Variants in MAP3K15 observed in about 807,000 individuals in gnomAD.
The protein encoded by MAP3K15 is MAPK/ERK kinase kinase 15.
A neutral mutation model predicts 99.5 loss-of-function variants in MAP3K15; 124 were observed. That is an observed-to-expected ratio of 1.25 (90% confidence interval 1.08 to 1.45). The LOEUF (loss-of-function observed/expected upper bound fraction) is 1.45. Ranked by LOEUF, MAP3K15 falls within the 40% of genes most tolerant of loss-of-function variation. The pLI is 0.00. For missense variants in MAP3K15, 1,242 were observed against 1,079.7 expected, an observed-to-expected ratio of 1.15 and a Z score of -2.11; for synonymous variants, 494 against 439.6, an observed-to-expected ratio of 1.12 and a Z score of -1.55.
intron 6 of MAP3K15, among the ~76,000 whole-genome samples, chrX:19,446,699 G>A (rs1389091551): frequency 9.1e-6 from 1 of 110,396 alleles, no homozygotes; most frequent in African/African-American, 3.3e-5. Context: ...ACTGTTCACT[G>A]TAGTCAGAGC....
chrX:19,408,940 A>ACCTTT (rs1463490702), intron 12 of MAP3K15, among the ~76,000 whole-genome samples: 2 of 111,873 alleles, frequency 1.8e-5, no homozygotes, highest in Non-Finnish European at 3.8e-5. Context: ...CAAATACCTT[A>ACCTTT]CCTTTCCTTT....
At position 19,464,380 on chromosome X, in the gene MAP3K15, G is replaced by T. The variant is rs5955788; in HGVS notation, c.552C>A (p.Ile184=). ...CAGCGCACGGTGTCACGATGTATGG[G>T]ATGAAATAATAATTTCCACTGGATG... ...NTASSGNYYF[I]PYIVTPCADY... Residue 184 remains isoleucine, a synonymous_variant, in exon 4 of 29, where the codon ATC becomes ATA. Transcript: ENST00000338883. The T allele has an allele frequency of 8.4e-7, 1 of 1,188,189 alleles. No individual in the cohort carries two copies.
At chrX:19,469,055 G>A (rs1004279678) in intron 3 of MAP3K15, among the ~76,000 whole-genome samples, 3 of 111,301 alleles carry the variant, frequency 2.7e-5, no homozygotes, top group Non-Finnish European at 5.6e-5. Flanking sequence ...CATGTCATCT[G>A]CAAACAGGGA....
chrX:19,458,371 G>A, intron 5 of MAP3K15, among the ~76,000 whole-genome samples: 1 of 112,413 alleles, frequency 8.9e-6, no homozygotes, highest in East Asian at 2.8e-4. Flanking sequence ...ATCCCTAGTA[G>A]CAACTGCTAT....
intron 26 of MAP3K15, 117 bp downstream of exon 26, chrX:19,362,621 A>T (rs2063300557): frequency 2.1e-6 from 1 of 473,380 alleles, no homozygotes; most frequent in African/African-American, 2.4e-5. Context: ...ATGATTGAGA[A>T]GTAGTCTAGA....
At chrX:19,473,529 G>A (rs953572931) in intron 3 of MAP3K15, among the ~76,000 whole-genome samples, 3 of 112,385 alleles carry the variant, frequency 2.7e-5, no homozygotes, top group Admixed American at 9.5e-5. Context: ...AACAAACGCA[G>A]TTTAGTTTCC....
chrX:19,392,955 A>G (rs5955766), intron 16 of MAP3K15, among the ~76,000 whole-genome samples: 8,863 of 110,058 alleles, frequency 0.081, 606 homozygotes, highest in African/African-American at 0.21. Flanking sequence ...TAGGGTGACA[A>G]GGACTAGGAC....
intron 9 of MAP3K15, among the ~76,000 whole-genome samples, chrX:19,416,344 C>CAAA (rs771422369): frequency 1.3e-3 from 131 of 100,641 alleles, no homozygotes; most frequent in African/African-American, 4.6e-3. Context: ...AACAAACAAC[C>CAAA]AAAAAAAAAA....
At chrX:19,462,894 T>C (rs1247871048) in intron 4 of MAP3K15, among the ~76,000 whole-genome samples, 1 of 112,325 alleles carries the variant, frequency 8.9e-6, no homozygotes. Flanking sequence ...AATCCACCAA[T>C]AGGTATTTCA....
chrX:19,493,556 A>G (rs1025784176), intron 1 of MAP3K15, among the ~76,000 whole-genome samples: 5 of 111,531 alleles, frequency 4.5e-5, no homozygotes, highest in African/African-American at 1.6e-4. Context: ...TGTTAATTGT[A>G]ATAAAACACC....
chrX:19,397,690 CA>C (rs2063576352), intron 15 of MAP3K15, among the ~76,000 whole-genome samples: 1 of 112,098 alleles, frequency 8.9e-6, no homozygotes, highest in Non-Finnish European at 1.9e-5. Flanking sequence ...GGAAACACAA[CA>C]AAAGTTTTCT....
At chrX:19,414,866 C>G (rs756758295) in intron 10 of MAP3K15, among the ~76,000 whole-genome samples, 6 of 111,695 alleles carry the variant, frequency 5.4e-5, no homozygotes, top group Non-Finnish European at 9.4e-5. Context: ...CCGGACATTA[C>G]CAGATGTACC....
chrX:19,374,397 C>A, intron 20 of MAP3K15, 80 bp downstream of exon 20: 2 of 972,639 alleles, frequency 2.1e-6, no homozygotes, highest in South Asian at 4.6e-5. Context: ...CCAGAACTCT[C>A]CCTCCTGAGC....
chrX:19,412,609 G>C (rs1016241226), intron 11 of MAP3K15, among the ~76,000 whole-genome samples: 1 of 111,216 alleles, frequency 9.0e-6, no homozygotes, highest in Non-Finnish European at 1.9e-5. Context: ...GAAGGGAGGG[G>C]GCAGGATTAT....
intron 3 of MAP3K15, among the ~76,000 whole-genome samples, 154 bp downstream of exon 3, chrX:19,486,328 C>T (rs774861455): frequency 1.3e-4 from 14 of 111,938 alleles, no homozygotes; most frequent in Non-Finnish European, 1.9e-4. Context: ...CCGGTTGAGG[C>T]ATAGGGAGAT....
chrX:19,500,307 A>G (rs1033382584), intron 1 of MAP3K15, among the ~76,000 whole-genome samples: 1 of 112,127 alleles, frequency 8.9e-6, no homozygotes. Context: ...GGGAATGGAT[A>G]GAGGTAAAGA....
chrX:19,363,356 G>A (rs887650648), intron 25 of MAP3K15, among the ~76,000 whole-genome samples: 3 of 112,057 alleles, frequency 2.7e-5, no homozygotes, highest in Non-Finnish European at 5.6e-5. Flanking sequence ...CCTCGATCTT[G>A]GACTTCGAGT....
At chrX:19,368,078 G>A (rs1005127676) in intron 25 of MAP3K15, among the ~76,000 whole-genome samples, 23 of 110,135 alleles carry the variant, frequency 2.1e-4, no homozygotes, top group Non-Finnish European at 3.6e-4. Context: ...ACCAAATCAC[G>A]CAGCTGATAA....
chrX:19,423,060 A>T (rs2063799714), intron 9 of MAP3K15, among the ~76,000 whole-genome samples: 1 of 110,225 alleles, frequency 9.1e-6, no homozygotes, highest in Non-Finnish European at 1.9e-5. Flanking sequence ...TAGCATTAGG[A>T]GATATATCTA....
Sources: gnomAD v4.1 joint callset for allele counts (sites outside exome capture counted in the v4.1 genomes callset) on GRCh38, gnomAD v4.1.1 for gene constraint, MANE v1.5 for transcripts, NCBI Gene and HGNC (gene_info 2026-07-23, HGNC 2026-07-21) for gene names.